Variants in SNTB2 observed in about 807,000 individuals in gnomAD.
SNTB2 encodes the protein syntrophin beta 2, also known as beta-2-syntrophin.
SNTB2 carries 34 observed loss-of-function variants against 46.2 expected under a neutral mutation model. The observed-to-expected ratio is 0.74, with a 90% confidence interval of 0.56 to 0.98. The LOEUF (loss-of-function observed/expected upper bound fraction) is 0.98. Ranked by LOEUF, SNTB2 falls within the 50% of genes least tolerant of loss-of-function variation. The pLI, the probability that SNTB2 is intolerant of heterozygous loss-of-function variation, is 0.00. For missense variants in SNTB2, 603 were observed against 731.4 expected (o/e 0.82, Z 2.02); for synonymous variants, 290 against 312.6 (o/e 0.93, Z 0.76).
At chr16:69,263,760 G>T (rs765173514) in intron 3 of SNTB2, among the ~76,000 whole-genome samples, 5 of 152,120 alleles carry the variant, frequency 3.3e-5, no homozygotes, top group Admixed American at 6.6e-5. Flanking sequence ...CCACCAAATG[G>T]AGGACATGTA....
At chr16:69,202,908 C>G (rs1422182699) in intron 1 of SNTB2, among the ~76,000 whole-genome samples, 1 of 151,654 alleles carries the variant, frequency 6.6e-6, no homozygotes, top group Non-Finnish European at 1.5e-5. Context: ...TTTGTAGATA[C>G]AGGGTTTTGC....
chr16:69,272,539 C>CAAA (rs556616496), intron 4 of SNTB2, among the ~76,000 whole-genome samples: 1 of 58,158 alleles, frequency 1.7e-5, no homozygotes, highest in African/African-American at 6.1e-5. Flanking sequence ...GACTCTGTCT[C>CAAA]AAAAAAAAAA....
chr16:69,216,960 A>G (rs964116919), intron 1 of SNTB2, among the ~76,000 whole-genome samples: 6 of 152,058 alleles, frequency 3.9e-5, no homozygotes, highest in South Asian at 2.1e-4. Flanking sequence ...AGTACTTCCA[A>G]TGGCTCAAAA....
chr16:69,188,499 T>C (rs373098671), intron 1 of SNTB2, among the ~76,000 whole-genome samples: 1 of 152,262 alleles, frequency 6.6e-6, no homozygotes, highest in East Asian at 1.9e-4. Flanking sequence ...ACCAGGATTA[T>C]TCTTTACGTT....
intron 1 of SNTB2, among the ~76,000 whole-genome samples, chr16:69,225,396 G>A (rs559324471): frequency 9.2e-5 from 14 of 152,190 alleles, no homozygotes; most frequent in Non-Finnish European, 2.1e-4. Context: ...ACAAAAATAC[G>A]GATAACGATT....
chr16:69,292,430 AT>A (rs1965180988), intron 5 of SNTB2, among the ~76,000 whole-genome samples: 5 of 11,596 alleles, frequency 4.3e-4, no homozygotes, highest in Admixed American at 3.7e-3. Flanking sequence ...ATATATATAT[AT>A]ATATTATATA....
Position 69,187,360 on chromosome 16 carries a change from C to A in SNTB2, c.194C>A (p.Pro65His). ...GCCGAGCTGGAGCCCGCTCTGGGAC[C>A]CGCGGCCGCCGCCTTCAACGGCCTC... is the stretch of plus-strand genomic sequence containing the variant. ...AAAELEPALG[P>H]AAAAFNGLPN... Residue 65 changes from proline to histidine, a missense_variant, in exon 1 of 7, where the codon CCC (proline) becomes CAC (histidine). Coordinates refer to ENST00000336278, the MANE Select transcript of SNTB2 (RefSeq NM_006750.4). The A allele has an allele frequency of 7.2e-7, 1 of 1,395,700 alleles. No homozygotes were observed. The highest frequency in any genetic ancestry group is 9.3e-7 in the Non-Finnish European group (1 of 1,074,010). The allele number at this position is 1,395,700 out of a possible 1,614,324, so 86.5% of individuals were successfully genotyped here. A position where few individuals can be genotyped will look rare whatever the true frequency, so the allele number is the denominator to read the frequency against.
intron 2 of SNTB2, among the ~76,000 whole-genome samples, chr16:69,259,236 A>ATGT (rs1964809946): frequency 1.4e-5 from 1 of 69,136 alleles, no homozygotes; most frequent in Non-Finnish European, 2.9e-5. Context: ...GGTCTTTCTG[A>ATGT]TTTTTTTTTT....
intron 5 of SNTB2, among the ~76,000 whole-genome samples, chr16:69,288,996 G>A (rs1354698270): frequency 3.3e-5 from 5 of 152,092 alleles, no homozygotes; most frequent in Non-Finnish European, 7.4e-5. Flanking sequence ...GTGGCCAGGC[G>A]TGGTGGCTCA....
At chr16:69,221,166 C>T (rs1031953024) in intron 1 of SNTB2, among the ~76,000 whole-genome samples, 1 of 152,114 alleles carries the variant, frequency 6.6e-6, no homozygotes, top group Non-Finnish European at 1.5e-5. Context: ...TTAAAACATT[C>T]AAAACTAAAA....
chr16:69,291,843 G>A (rs2143180652), intron 5 of SNTB2, among the ~76,000 whole-genome samples: 1 of 152,308 alleles, frequency 6.6e-6, no homozygotes, highest in East Asian at 1.9e-4. Context: ...GGTGGCTGAA[G>A]TGGGAGGATT....
intron 1 of SNTB2, among the ~76,000 whole-genome samples, chr16:69,230,768 A>G (rs532622664): frequency 1.0e-3 from 145 of 142,268 alleles, no homozygotes; most frequent in African/African-American, 3.6e-3. Context: ...TTTTTGAGAC[A>G]GAGTCTTGCT....
chr16:69,301,210 G>T lies in SNTB2; in HGVS notation c.*286G>T, dbSNP rs929515415. 1 of 267,918 alleles carries T rather than the reference G, an allele frequency of 3.7e-6. No individual in the cohort carries two copies. 16.6% of individuals were successfully genotyped at this position (267,918 alleles called of 1,614,324 possible). ...TTAGGTTTATTTCTACTGCTAAAAA[G>T]AATGGCTCATTGTTTTCTTTTTTTT... On this transcript the variant is annotated 3_prime_UTR_variant, in exon 7 of 7. Coordinates refer to ENST00000336278, the MANE Select transcript of SNTB2 (RefSeq NM_006750.4).
intron 2 of SNTB2, among the ~76,000 whole-genome samples, chr16:69,259,269 CAG>C (rs1487532992): frequency 1.0e-5 from 1 of 96,898 alleles, no homozygotes; most frequent in Non-Finnish European, 1.9e-5. Context: ...TTTTTTGAGA[CAG>C]AGTTTCGCTC....
chr16:69,219,601 C>A (rs918554939), intron 1 of SNTB2, among the ~76,000 whole-genome samples: 1 of 152,176 alleles, frequency 6.6e-6, no homozygotes, highest in Non-Finnish European at 1.5e-5. Flanking sequence ...TAACTCAGTT[C>A]TCTGAGGCAG....
At chr16:69,247,534 T>C (rs1964682519) in intron 2 of SNTB2, among the ~76,000 whole-genome samples, 1 of 152,248 alleles carries the variant, frequency 6.6e-6, no homozygotes, top group East Asian at 1.9e-4. Flanking sequence ...CTGAATGGCC[T>C]CCTTGGGTGT....
chr16:69,275,032 TTTC>T (rs1372226486), intron 4 of SNTB2, among the ~76,000 whole-genome samples: 1 of 151,604 alleles, frequency 6.6e-6, no homozygotes, highest in Non-Finnish European at 1.5e-5. Context: ...TTCCTTTTCC[TTTC>T]TTTTCTCCCC....
At chr16:69,271,038 G>A (rs1263978478) in intron 4 of SNTB2, among the ~76,000 whole-genome samples, 4 of 152,200 alleles carry the variant, frequency 2.6e-5, no homozygotes, top group Admixed American at 2.6e-4. Context: ...ATCCCAGTGG[G>A]AATAGTGGGG....
chr16:69,214,065 C>A (rs1040067287), intron 1 of SNTB2, among the ~76,000 whole-genome samples: 7 of 149,792 alleles, frequency 4.7e-5, no homozygotes, highest in African/African-American at 1.7e-4. Context: ...CCTCGTGATC[C>A]ACCCGCCTCG....
Sources: gnomAD v4.1 joint callset for allele counts (sites outside exome capture counted in the v4.1 genomes callset) on GRCh38, gnomAD v4.1.1 for gene constraint, MANE v1.5 for transcripts, NCBI Gene and HGNC (gene_info 2026-07-23, HGNC 2026-07-21) for gene names.